Variants in ARAP3 observed in about 807,000 individuals in gnomAD.
ARAP3 encodes arf-GAP with Rho-GAP domain, ANK repeat and PH domain-containing protein 3.
In ARAP3, 82 loss-of-function variants were observed where a neutral mutation model predicts 169.2. That is an observed-to-expected ratio of 0.48 (90% CI 0.41 to 0.58). The LOEUF is 0.58. Among genes scored for constraint, ARAP3 ranks in the 20% least tolerant of loss-of-function variants. The pLI is 0.00. For synonymous variants in ARAP3, 791 were observed against 800.3 expected, an observed-to-expected ratio of 0.99 and a Z score of 0.20; for missense variants, 1,764 against 2,018.0, an observed-to-expected ratio of 0.87 and a Z score of 2.41.
chr5:141,670,281 G>A (rs1234868152), intron 14 of ARAP3, among the ~76,000 whole-genome samples: 1 of 152,170 alleles, frequency 6.6e-6, no homozygotes, highest in Non-Finnish European at 1.5e-5. Flanking sequence ...TAGGTAGGAA[G>A]TAGCAGAGCT....
chr5:141,678,578 C>G (rs781455846), intron 4 of ARAP3, among the ~76,000 whole-genome samples: 1 of 151,980 alleles, frequency 6.6e-6, no homozygotes. Context: ...ACCTCCACCT[C>G]TCCGGTTCAA....
rs753636862 is a variant in ARAP3, at chr5:141,654,249, C to T, written c.4336G>A (p.Asp1446Asn). ...CTTGACTTGGAGAGAAAGGGTTGAT[C>T]CAATGACTTCTGGCTGGTGAGGGGG... ...ENPLTSQKSL[D>N]QPFLSKSSTL... is the part of the protein sequence containing the mutation. The change falls in exon 33 of 33, where the codon GAT becomes AAT. Residue 1446 changes from aspartate to asparagine, a missense_variant. By Grantham distance (23) the Asp-to-Asn change is conservative. This residue lies in a region of ARAP3 where 1,112 missense variants were observed against 1,285.7 expected (regional missense o/e 0.86). Coordinates refer to ENST00000239440, the MANE Select transcript of ARAP3 (RefSeq NM_022481.6). 6.1e-5 allele frequency: 99 copies of T among 1,614,020 alleles called. No homozygotes were observed. The highest frequency in any genetic ancestry group is 8.4e-5 in the Non-Finnish European group (99 of 1,180,024).
Position 141,679,773 on chromosome 5 carries a change from T to A in ARAP3, c.574A>T (p.Thr192Ser), listed in dbSNP as rs751760050. Residue 192 changes from threonine to serine, a missense_variant, in exon 3 of 33, where the codon ACA (threonine) becomes TCA (serine). Thr to Ser is a moderately conservative substitution (Grantham distance 58). Coordinates refer to ENST00000239440, the MANE Select transcript of ARAP3 (RefSeq NM_022481.6). ...ATAACCCAGTTACCTGTGCCTGTTG[T>A]GGGCCTGAGGGCAGGGGTGGGGGCA... ...ISAPTPALRP[T>S]TGTVHIMDPG... 1 of 1,614,064 alleles carries A rather than the reference T, an allele frequency of 6.2e-7. No homozygotes were observed. The highest frequency in any genetic ancestry group is 8.5e-7 in the Non-Finnish European group (1 of 1,180,014).
intron 31 of ARAP3, 27 bp downstream of exon 31, chr5:141,655,594 G>A (rs368935621): frequency 4.6e-5 from 74 of 1,613,740 alleles, no homozygotes; most frequent in Non-Finnish European, 5.1e-5. Context: ...GACAGGAATC[G>A]GGTTGGGGCA....
In ARAP3 at chr5:141,671,782, G is replaced by A; in HGVS notation, c.1672-30C>T. 6.3e-7 allele frequency: 1 copy of A among 1,598,266 alleles called. No individual in the cohort carries two copies. Among genetic ancestry groups the A allele is most frequent in the Non-Finnish European group, 8.5e-7 (1 of 1,170,628 alleles). On this transcript the variant is annotated intron_variant, in intron 11 of 32. Coordinates refer to ENST00000239440, the MANE Select transcript of ARAP3 (RefSeq NM_022481.6). This position sits in a 1 kb window ranked among gnomAD's most constrained non-coding sequence, Gnocchi z 4.9. ...GGGATGACAAGGGACAAAGGCAGGTGACAGGAACTCAAGAGTCCTCAGATG... is the reference window on the plus strand; with the variant it reads ...GGGATGACAAGGGACAAAGGCAGGTAACAGGAACTCAAGAGTCCTCAGATG...
Position 141,671,536 on chromosome 5 carries a change from C to T in ARAP3, c.1854+34G>A, listed in dbSNP as rs2099911447. On this transcript the variant is annotated intron_variant, in intron 12 of 32. Coordinates refer to ENST00000239440, the MANE Select transcript of ARAP3 (RefSeq NM_022481.6). This position sits in a 1 kb window ranked among gnomAD's most constrained non-coding sequence, Gnocchi z 4.9. ...CTCCAGAGAGTGTTTCCTGACCCCC[C>T]CACCCCAGATCACCCCTGCTCTGTC... The T allele has an allele frequency of 1.2e-6, 2 of 1,612,156 alleles. No individual in the cohort carries two copies. Among genetic ancestry groups the T allele is most frequent in the Admixed American group, 1.7e-5 (1 of 59,836 alleles).
At chr5:141,660,055 C>T (rs2099909727) in intron 21 of ARAP3, 129 bp from the exon 22 acceptor site, 1 of 1,259,410 alleles carries the variant, frequency 7.9e-7, no homozygotes, top group Non-Finnish European at 1.1e-6. Flanking sequence ...TCAAGGAGCT[C>T]CCAGTCTAGG....
chr5:141,672,049 C>A lies in ARAP3; in HGVS notation c.1585+53G>T. On this transcript the variant is annotated intron_variant, in intron 10 of 32. Coordinates refer to ENST00000239440, the MANE Select transcript of ARAP3 (RefSeq NM_022481.6). This position sits in a 1 kb window ranked among gnomAD's most constrained non-coding sequence, Gnocchi z 4.9. ...GGGCATGTGGCACGGGTACCCTGAG[C>A]CCTCTAGTCCCAGCCCTCCTGTTCC... is the stretch of plus-strand genomic sequence containing the variant. 6.2e-7 allele frequency: 1 copy of A among 1,613,888 alleles called. No homozygotes were observed.
chr5:141,670,644 G>A lies in ARAP3; in HGVS notation c.1991-16C>T. ...GGGGAGGGGTCTGCAAGGGGAAGGGGAAGTAGTCAGGTCAACCAAGTGCAA... is the reference window on the plus strand; with the variant it reads ...GGGGAGGGGTCTGCAAGGGGAAGGGAAAGTAGTCAGGTCAACCAAGTGCAA... On this transcript the variant is annotated splice_polypyrimidine_tract_variant and intron_variant, in intron 13 of 32. Coordinates refer to ENST00000239440, the MANE Select transcript of ARAP3 (RefSeq NM_022481.6). The A allele has an allele frequency of 1.2e-6, 2 of 1,609,686 alleles. No homozygotes were observed. The highest frequency in any genetic ancestry group is 2.7e-5 in the African/African-American group (2 of 74,938).
At position 141,666,585 on chromosome 5, in the gene ARAP3, C is replaced by CGGCCCA; in HGVS notation, c.2405_2410dup (p.Leu802_Gly803dup). ...ATGGGAGGGGGACCGCAGCCATAGGCGGCCCAGCCGCAGCAGCCCGGGGCC... is the reference window on the plus strand; with the variant it reads ...ATGGGAGGGGGACCGCAGCCATAGGCGGCCCAGGCCCAGCCGCAGCAGCCCGGGGCC... On this transcript the variant is annotated inframe_insertion, in exon 17 of 33. Coordinates refer to ENST00000239440, the MANE Select transcript of ARAP3 (RefSeq NM_022481.6). 1 of 1,525,070 alleles carries CGGCCCA rather than the reference C, an allele frequency of 6.6e-7. No homozygotes were observed. Among genetic ancestry groups the CGGCCCA allele is most frequent in the Non-Finnish European group, 8.8e-7 (1 of 1,136,174 alleles). 94.5% of individuals were successfully genotyped at this position (1,525,070 alleles called of 1,614,324 possible).
intron 25 of ARAP3, among the ~76,000 whole-genome samples, 163 bp from the exon 26 acceptor site, chr5:141,657,009 G>C (rs918952921): frequency 6.6e-6 from 1 of 152,198 alleles, no homozygotes; most frequent in African/African-American, 2.4e-5. Flanking sequence ...ACGGTGGTGA[G>C]CATGATACAC....
In ARAP3 at chr5:141,671,741, G is replaced by A; in HGVS notation, c.1683C>T (p.Val561=). 6.2e-7 allele frequency: 1 copy of A among 1,600,780 alleles called. No individual in the cohort carries two copies. The highest frequency in any genetic ancestry group is 8.5e-7 in the Non-Finnish European group (1 of 1,172,886). The change falls in exon 12 of 33, where the codon GTC becomes GTT. Residue 561 remains valine (V), a synonymous_variant. Transcript: ENST00000239440. This position sits in a 1 kb window ranked among gnomAD's most constrained non-coding sequence, Gnocchi z 4.9. The part of the protein sequence containing the change: ...WSNEIVQLFI[V]LGNDRANRFW... The stretch of plus-strand genomic sequence containing the variant: ...AGCGGTTGGCACGATCATTTCCCAG[G>A]ACAATGAATAACTGTGGGATGACAA...
At chr5:141,676,783 T>G (rs1376351920) in intron 4 of ARAP3, among the ~76,000 whole-genome samples, 2 of 152,198 alleles carry the variant, frequency 1.3e-5, no homozygotes, top group Non-Finnish European at 2.9e-5. Flanking sequence ...CTTCTCTATC[T>G]GCACTCACTC....
At chr5:141,680,632 G>A (rs754914683) in intron 1 of ARAP3, 129 bp from the exon 2 acceptor site, 18 of 1,367,738 alleles carry the variant, frequency 1.3e-5, no homozygotes, top group African/African-American at 1.5e-5. Context: ...AAAGGCCTGC[G>A]ATCTGGAAGC....
intron 6 of ARAP3, 42 bp downstream of exon 6, chr5:141,673,359 C>G: frequency 6.2e-7 from 1 of 1,612,750 alleles, no homozygotes; most frequent in Non-Finnish European, 8.5e-7. Flanking sequence ...TCAGCCCTCC[C>G]TCTCCCTCAT....
chr5:141,672,255 G>C lies in ARAP3; in HGVS notation c.1432C>G (p.Leu478Val). 6.2e-7 allele frequency: 1 copy of C among 1,614,208 alleles called. No homozygotes were observed. ...GGARQSWAAA[L>V]QEAVTETLSD... ...AGGGTCTCGGTTACTGCTTCCTGCA[G>C]AGCGGCCGCCCAGCTCTGCCGAGCA... is the stretch of plus-strand genomic sequence containing the variant. The change falls in exon 10 of 33, where the codon CTG becomes GTG. Residue 478 changes from leucine to valine, a missense_variant. Leu to Val is a conservative substitution (Grantham distance 32). This residue lies in a region of ARAP3 where 630 missense variants were observed against 678.7 expected (regional missense o/e 0.93). Transcript: ENST00000239440. This position sits in a 1 kb window ranked among gnomAD's most constrained non-coding sequence, Gnocchi z 4.9.
In ARAP3 at chr5:141,655,417, TG is replaced by T; in HGVS notation, c.4111-18del. ...TAGTCGCCGCTGGACACAGGTGGGGTGGGGACAAGGGGAAGGAAAGACATAA... is the reference window on the plus strand; with the variant it reads ...TAGTCGCCGCTGGACACAGGTGGGGTGGGACAAGGGGAAGGAAAGACATAA... On this transcript the variant is annotated intron_variant, in intron 31 of 32. Transcript: ENST00000239440. 6.3e-7 allele frequency: 1 copy of T among 1,582,748 alleles called. No individual in the cohort carries two copies. Among genetic ancestry groups the T allele is most frequent in the Non-Finnish European group, 8.6e-7 (1 of 1,165,374 alleles).
intron 27 of ARAP3, 80 bp from the exon 28 acceptor site, chr5:141,656,356 G>A (rs1482625176): frequency 1.8e-5 from 29 of 1,598,176 alleles, no homozygotes; most frequent in Non-Finnish European, 2.5e-5. Flanking sequence ...GGAAGCAATG[G>A]GGTCTGTGGT....
At chr5:141,657,710 T>G (rs6895094) in intron 25 of ARAP3, among the ~76,000 whole-genome samples, 74,588 of 152,026 alleles carry the variant, frequency 0.49, 19,392 homozygotes, top group African/African-American at 0.68. Context: ...TGGTGAGTTG[T>G]GTATGAAGAT....
Sources: allele counts gnomAD v4.1 joint callset (sites outside exome capture counted in the v4.1 genomes callset), GRCh38; gene constraint gnomAD v4.1.1; regional missense constraint gnomAD v4.1.1; non-coding constraint Gnocchi (gnomAD v3.1); transcripts MANE v1.5; gene names NCBI Gene and HGNC (gene_info 2026-07-23, HGNC 2026-07-21).